ZNF385D: variants seen among roughly 807,000 people sequenced by gnomAD.
The protein encoded by ZNF385D is zinc finger protein 385D.
In ZNF385D, 15 loss-of-function variants were observed where a neutral mutation model predicts 35.8. The ratio of observed to expected loss-of-function variants is 0.42; its 90% CI spans 0.28 to 0.64. The LOEUF (loss-of-function observed/expected upper bound fraction) is 0.64, where lower values mean the gene tolerates loss of function less well. Among genes scored for constraint, ZNF385D ranks in the 30% least tolerant of loss-of-function variants. The pLI, the probability that ZNF385D is intolerant of heterozygous loss-of-function variation, is 0.23. For missense variants in ZNF385D, 474 were observed against 494.6 expected (o/e 0.96, Z 0.39); for synonymous variants, 212 against 186.8 (o/e 1.13, Z -1.10).
chr3:22,070,992 T>G (rs1038267037), intron 3 of ZNF385D, among the ~76,000 whole-genome samples: 6 of 152,108 alleles, frequency 3.9e-5, no homozygotes, highest in African/African-American at 1.4e-4. Context: ...CTGCCAAAAT[T>G]GAAAGATTTT....
At chr3:22,106,198 C>A (rs1281288197) in intron 3 of ZNF385D, among the ~76,000 whole-genome samples, 1 of 152,068 alleles carries the variant, frequency 6.6e-6, no homozygotes, top group Non-Finnish European at 1.5e-5. Context: ...AAAATCACTG[C>A]CATAAATATT....
chr3:21,622,046 T>C (rs935636546), intron 2 of ZNF385D, among the ~76,000 whole-genome samples: 2 of 152,130 alleles, frequency 1.3e-5, no homozygotes, highest in Non-Finnish European at 2.9e-5. Context: ...GAGAAGAGAC[T>C]CAACCTGCTA....
At chr3:21,893,914 GT>G (rs1258455292) in intron 3 of ZNF385D, among the ~76,000 whole-genome samples, 1 of 152,012 alleles carries the variant, frequency 6.6e-6, no homozygotes. Context: ...TATTTTCATT[GT>G]ACAGGTTGTA....
chr3:22,213,747 AC>A (rs983240605), intron 2 of ZNF385D, among the ~76,000 whole-genome samples: 1 of 152,024 alleles, frequency 6.6e-6, no homozygotes, highest in African/African-American at 2.4e-5. Context: ...CCTCAGTAAG[AC>A]ATACTATCTC....
intron 3 of ZNF385D, among the ~76,000 whole-genome samples, chr3:22,038,914 TTTA>T (rs1236894728): frequency 6.7e-6 from 1 of 149,786 alleles, no homozygotes; most frequent in Non-Finnish European, 1.5e-5. Context: ...ATATATATTT[TTTA>T]TTATAACAAA....
intron 3 of ZNF385D, among the ~76,000 whole-genome samples, chr3:22,165,650 C>G (rs912009035): frequency 6.6e-6 from 1 of 152,162 alleles, no homozygotes; most frequent in Admixed American, 6.6e-5. Flanking sequence ...TAGCATTTCT[C>G]CTAATGCTTA....
At chr3:21,775,126 A>T (rs2071234869) in intron 3 of ZNF385D, among the ~76,000 whole-genome samples, 1 of 151,958 alleles carries the variant, frequency 6.6e-6, no homozygotes, top group Non-Finnish European at 1.5e-5. Flanking sequence ...GAGTGACTCA[A>T]GAAGCAGGAA....
intron 3 of ZNF385D, among the ~76,000 whole-genome samples, chr3:22,088,810 A>C (rs1170876445): frequency 6.6e-6 from 1 of 152,178 alleles, no homozygotes; most frequent in Non-Finnish European, 1.5e-5. Flanking sequence ...AGAATCCAGA[A>C]AACAGTGACC....
intron 3 of ZNF385D, among the ~76,000 whole-genome samples, chr3:21,967,161 T>C (rs1162334176): frequency 1.3e-5 from 2 of 152,198 alleles, no homozygotes; most frequent in South Asian, 4.1e-4. Flanking sequence ...TGTGATGTAA[T>C]GGTCATTACT....
chr3:22,254,968 T>C (rs1700239424), intron 2 of ZNF385D, among the ~76,000 whole-genome samples: 2 of 151,806 alleles, frequency 1.3e-5, no homozygotes. Flanking sequence ...ATAATTCATG[T>C]CCCAGGAGGA....
intron 3 of ZNF385D, among the ~76,000 whole-genome samples, chr3:22,022,642 C>G (rs1697294382): frequency 6.6e-6 from 1 of 152,076 alleles, no homozygotes. Flanking sequence ...AATCTATCGT[C>G]CCAGAAAAGA....
intron 3 of ZNF385D, among the ~76,000 whole-genome samples, chr3:21,864,848 T>G (rs770187949): frequency 6.6e-6 from 1 of 151,946 alleles, no homozygotes; most frequent in African/African-American, 2.4e-5. Context: ...ATTATTCCAA[T>G]AACTCAGAAA....
At chr3:21,832,684 T>C (rs1276134830) in intron 3 of ZNF385D, among the ~76,000 whole-genome samples, 3 of 152,198 alleles carry the variant, frequency 2.0e-5, no homozygotes, top group African/African-American at 7.2e-5. Context: ...GGTAAGGTCA[T>C]GCCATCCTCA....
At chr3:21,678,337 G>A (rs1418343453) in intron 1 of ZNF385D, among the ~76,000 whole-genome samples, 1 of 152,060 alleles carries the variant, frequency 6.6e-6, no homozygotes. Context: ...TGGACATTCT[G>A]CAACAGCCAG....
rs1700727244 is a variant in ZNF385D, at chr3:22,081,064, C to A, written c.325+87753G>T. Among the ~76,000 whole-genome samples, 3 of 152,138 alleles carry A rather than the reference C, an allele frequency of 2.0e-5. No homozygotes were observed. In the South Asian group the frequency reaches 6.2e-4, roughly 32 times the overall value. ...ACATAAATTTCTTTTCCAGATATCT[C>A]CAACTAAATTATAAATTTTTAAAGG... On this transcript the variant is annotated intron_variant, in intron 3 of 5. Transcript: ENST00000494108.
At chr3:22,040,343 G>T (rs1698586593) in intron 3 of ZNF385D, among the ~76,000 whole-genome samples, 1 of 152,048 alleles carries the variant, frequency 6.6e-6, no homozygotes, top group Non-Finnish European at 1.5e-5. Flanking sequence ...GGAAGGTTTG[G>T]TTATTACGTC....
intron 3 of ZNF385D, among the ~76,000 whole-genome samples, chr3:21,893,510 T>C (rs1575853695): frequency 1.3e-5 from 2 of 152,190 alleles, no homozygotes; most frequent in Non-Finnish European, 2.9e-5. Flanking sequence ...TTTAAAAGGC[T>C]ACTTAACTAG....
intron 3 of ZNF385D, among the ~76,000 whole-genome samples, chr3:22,127,317 C>CCTTTTTT (rs1703492425): frequency 1.4e-4 from 8 of 56,334 alleles, no homozygotes; most frequent in African/African-American, 6.3e-4. Flanking sequence ...TCATTTCCTG[C>CCTTTTTT]TTTTTTTTTT....
chr3:21,938,478 A>C (rs2125266737), intron 3 of ZNF385D, among the ~76,000 whole-genome samples: 1 of 152,198 alleles, frequency 6.6e-6, no homozygotes, highest in African/African-American at 2.4e-5. Context: ...CACATACATG[A>C]ATTAGACCTT....
Sources: allele counts gnomAD v4.1 joint callset (sites outside exome capture counted in the v4.1 genomes callset), GRCh38; gene constraint gnomAD v4.1.1; transcripts MANE v1.5; gene names NCBI Gene and HGNC (gene_info 2026-07-23, HGNC 2026-07-21).